Variants in LAMA3 observed in about 807,000 individuals in gnomAD.
LAMA3 encodes laminin subunit alpha 3.
Under a neutral mutation model 402.0 loss-of-function variants are expected in LAMA3, and 281 were observed. The ratio of observed to expected loss-of-function variants is 0.70; its 90% CI spans 0.63 to 0.77. The LOEUF (loss-of-function observed/expected upper bound fraction) is 0.77, where lower values mean the gene tolerates loss of function less well. Ranked by LOEUF, LAMA3 falls within the 30% of genes least tolerant of loss-of-function variation. The pLI, the probability that LAMA3 is intolerant of heterozygous loss-of-function variation, is 0.00. For missense variants in LAMA3, 3,840 were observed against 4,215.5 expected, an observed-to-expected ratio of 0.91 and a Z score of 2.47; for synonymous variants, 1,431 against 1,558.4, an observed-to-expected ratio of 0.92 and a Z score of 1.93.
rs368575175 is a variant in LAMA3, at chr18:23,717,717, TA to T, written c.447+3648del. On this transcript the variant is annotated intron_variant, in intron 2 of 74. Coordinates refer to ENST00000313654, the MANE Select transcript of LAMA3 (RefSeq NM_198129.4). ...ACAGGTGCCCACCACCATGCCTGGCTAAATTTTTTTTTTTTTTTTTTTTTTT... is the reference window on the plus strand; with the variant it reads ...ACAGGTGCCCACCACCATGCCTGGCTAATTTTTTTTTTTTTTTTTTTTTTT... Among the ~76,000 whole-genome samples, 237 of 33,712 alleles carry T rather than the reference TA, an allele frequency of 7.0e-3. 31 individuals carry two copies. Among genetic ancestry groups the T allele is most frequent in the Admixed American group, 0.017 (58 of 3,320 alleles). The allele number at this position is 33,712 out of a possible 152,430, so 22.1% of individuals were successfully genotyped here.
At chr18:23,871,883 A>C (rs2064534292) in intron 38 of LAMA3, among the ~76,000 whole-genome samples, 1 of 152,258 alleles carries the variant, frequency 6.6e-6, no homozygotes, top group African/African-American at 2.4e-5. Flanking sequence ...ACAGAGATTC[A>C]ATAGATGCTG....
intron 1 of LAMA3, among the ~76,000 whole-genome samples, chr18:23,692,406 G>A (rs2060607235): frequency 6.6e-6 from 1 of 152,166 alleles, no homozygotes; most frequent in African/African-American, 2.4e-5. Context: ...CGAGTAGCTG[G>A]GATTACAGGC....
At chr18:23,788,906 A>C (rs1286672189) in intron 12 of LAMA3, among the ~76,000 whole-genome samples, 1 of 151,416 alleles carries the variant, frequency 6.6e-6, no homozygotes, top group Non-Finnish European at 1.5e-5. Flanking sequence ...ACATATATAT[A>C]ATATATAAAA....
chr18:23,744,626 T>C (rs1265732347), intron 2 of LAMA3, among the ~76,000 whole-genome samples: 2 of 151,856 alleles, frequency 1.3e-5, no homozygotes, highest in Non-Finnish European at 2.9e-5. Flanking sequence ...GGTCAGGAGA[T>C]CGAGACCATC....
intron 73 of LAMA3, among the ~76,000 whole-genome samples, 198 bp from the exon 74 acceptor site, chr18:23,952,792 G>A (rs568017401): frequency 6.6e-6 from 1 of 152,174 alleles, no homozygotes; most frequent in Admixed American, 6.5e-5. Context: ...TTCATTTTAA[G>A]GGTAAAATTC....
intron 56 of LAMA3, among the ~76,000 whole-genome samples, chr18:23,913,103 G>C (rs537293274): frequency 6.6e-6 from 1 of 152,320 alleles, no homozygotes; most frequent in South Asian, 2.1e-4. Context: ...AGGATCAAGA[G>C]GCTTTACCCA....
At chr18:23,801,637 G>A (rs979944330) in intron 12 of LAMA3, among the ~76,000 whole-genome samples, 11 of 151,990 alleles carry the variant, frequency 7.2e-5, no homozygotes, top group Admixed American at 1.3e-4. Context: ...TTCCATAATC[G>A]CCGTACCAAT....
rs553343476 is a variant in LAMA3 at position 23,762,363 on chromosome 18, C to A, written c.1064-1042C>A. Among the ~76,000 whole-genome samples the A allele has an allele frequency of 5.3e-4, 80 of 152,092 alleles. 1 individual carries two copies. The South Asian group carries it at 0.016, about 30-fold the overall frequency. On this transcript the variant is annotated intron_variant, in intron 7 of 74. Coordinates refer to ENST00000313654, the MANE Select transcript of LAMA3 (RefSeq NM_198129.4). The stretch of plus-strand genomic sequence containing the variant: ...CAGCACTTTGGGAGGCCGAGGCGGG[C>A]AGGTCACTTGAGGTCAGGAGTTCAA...
intron 1 of LAMA3, among the ~76,000 whole-genome samples, chr18:23,705,734 T>C (rs2060877432): frequency 1.3e-5 from 2 of 152,138 alleles, no homozygotes; most frequent in Admixed American, 1.3e-4. Flanking sequence ...CCCAGGCTGG[T>C]CTTGAACTCC....
In LAMA3 at chr18:23,757,933, T is replaced by C. The variant is rs1388606302; in HGVS notation, c.948-463T>C. On this transcript the variant is annotated intron_variant, in intron 6 of 74. Coordinates refer to ENST00000313654, the MANE Select transcript of LAMA3 (RefSeq NM_198129.4). The stretch of plus-strand genomic sequence containing the variant: ...ATCTTATTAGCAGCTGGTCCTTGAA[T>C]TGGGTAAAGCATGACCACAGGTTGA... 9.2e-5 allele frequency among the ~76,000 whole-genome samples: 14 copies of C among 152,314 alleles called. No homozygotes were observed. The East Asian group carries it at 2.7e-3, about 29-fold the overall frequency.
In LAMA3 at chr18:23,747,930, T is replaced by C. The variant is rs199575652; in HGVS notation, c.448-13T>C. 2.3e-5 allele frequency: 32 copies of C among 1,405,606 alleles called. No individual in the cohort carries two copies. The Admixed American group carries it at 3.2e-4, about 14-fold the overall frequency. The allele number at this position is 1,405,606 out of a possible 1,614,324, so 87.1% of individuals were successfully genotyped here. On this transcript the variant is annotated splice_polypyrimidine_tract_variant and intron_variant, in intron 2 of 74. Coordinates refer to ENST00000313654, the MANE Select transcript of LAMA3 (RefSeq NM_198129.4). ...AGATGACATTAATAACTGTATCTCTTTTGTTTTATCAGCTCTTCCATGTGG... is the reference window on the plus strand; with the variant it reads ...AGATGACATTAATAACTGTATCTCTCTTGTTTTATCAGCTCTTCCATGTGG...
rs561702670 is a variant in LAMA3 at position 23,716,318 on chromosome 18, T to C, written c.447+2246T>C. Among the ~76,000 whole-genome samples the C allele has an allele frequency of 3.9e-5, 6 of 152,296 alleles. No individual in the cohort carries two copies. In the East Asian group the frequency reaches 1.2e-3, roughly 29 times the overall value. ...GACTACAGGCATGTGCCACCATGCCTGGCTAACTTTTTGTATTTTAAGTAG... is the reference window on the plus strand; with the variant it reads ...GACTACAGGCATGTGCCACCATGCCCGGCTAACTTTTTGTATTTTAAGTAG... On this transcript the variant is annotated intron_variant, in intron 2 of 74. Transcript: ENST00000313654.
intron 2 of LAMA3, among the ~76,000 whole-genome samples, chr18:23,716,425 C>T (rs1255570057): frequency 6.6e-6 from 1 of 152,174 alleles, no homozygotes; most frequent in East Asian, 1.9e-4. Flanking sequence ...TCCCAAAGTA[C>T]TAAGATTACA....
intron 69 of LAMA3, 98 bp downstream of exon 69, chr18:23,944,069 G>A: frequency 8.3e-7 from 1 of 1,210,018 alleles, no homozygotes; most frequent in Admixed American, 2.0e-5. Flanking sequence ...AGACATGAGG[G>A]CGTGGAGTGG....
chr18:23,704,695 C>A (rs2060853288), intron 1 of LAMA3, among the ~76,000 whole-genome samples: 1 of 152,164 alleles, frequency 6.6e-6, no homozygotes, highest in African/African-American at 2.4e-5. Flanking sequence ...ACCACAGTAT[C>A]TAACATAGTG....
intron 37 of LAMA3, 96 bp downstream of exon 37, chr18:23,868,013 A>G (rs2064407759): frequency 3.1e-6 from 3 of 953,084 alleles, no homozygotes; most frequent in Non-Finnish European, 3.4e-6. Flanking sequence ...ATTGTAAAAT[A>G]TGGATTCTAT....
intron 1 of LAMA3, among the ~76,000 whole-genome samples, chr18:23,697,706 C>G (rs7236794): frequency 0.52 from 65,773 of 127,130 alleles, 17,581 homozygotes; most frequent in Middle Eastern, 0.69. Context: ...ACCCGCCCCC[C>G]GCCCCAAAAA....
chr18:23,898,032 A>G (rs1474059789), intron 44 of LAMA3, among the ~76,000 whole-genome samples: 1 of 152,120 alleles, frequency 6.6e-6, no homozygotes, highest in Non-Finnish European at 1.5e-5. Flanking sequence ...TATTGAGGTA[A>G]TAATATCATT....
At chr18:23,738,062 C>T (rs1431012782) in intron 2 of LAMA3, among the ~76,000 whole-genome samples, 1 of 152,020 alleles carries the variant, frequency 6.6e-6, no homozygotes, top group Non-Finnish European at 1.5e-5. Context: ...TTAAATCAAT[C>T]GTCGGTGGTA....
Sources: gnomAD v4.1 joint callset for allele counts (sites outside exome capture counted in the v4.1 genomes callset) on GRCh38, gnomAD v4.1.1 for gene constraint, MANE v1.5 for transcripts, NCBI Gene and HGNC (gene_info 2026-07-23, HGNC 2026-07-21) for gene names.